The following COQ9 variants were observed in gnomAD, a reference collection of about 807,000 sequenced individuals.
COQ9 encodes ubiquinone biosynthesis protein COQ9, mitochondrial.
COQ9 carries 35 observed loss-of-function variants against 42.4 expected under a neutral mutation model. The observed-to-expected ratio is 0.83, with a 90% CI of 0.63 to 1.10. The LOEUF is 1.10. Ranked by LOEUF, COQ9 falls within the 50% of genes least tolerant of loss-of-function variation. The pLI is 0.00. For missense variants in COQ9, 406 were observed against 414.6 expected (o/e 0.98, Z 0.18); for synonymous variants, 155 against 155.1 (o/e 1.00, Z 0.00).
At chr16:57,457,049 A>G (rs187132189) in intron 5 of COQ9, 34 bp downstream of exon 5, 7 of 1,453,272 alleles carry the variant, frequency 4.8e-6, no homozygotes, top group East Asian at 2.3e-5. Flanking sequence ...CAGAGCAACA[A>G]TAATCCTAAT....
intron 3 of COQ9, 136 bp downstream of exon 3, chr16:57,453,072 T>C (rs2030325729): frequency 1.7e-6 from 2 of 1,158,376 alleles, no homozygotes; most frequent in African/African-American, 1.5e-5. Flanking sequence ...CTGGTTTTTT[T>C]CCCCCAATAG....
At chr16:57,456,841 G>A in intron 4 of COQ9, 90 bp from the exon 5 acceptor site, 1 of 1,347,576 alleles carries the variant, frequency 7.4e-7, no homozygotes, top group Non-Finnish European at 1.1e-6. Context: ...GGAGCTGGTG[G>A]GACCCTCCTC....
In COQ9 at chr16:57,452,884, A is replaced by G. The variant is rs768381116; in HGVS notation, c.326A>G (p.Glu109Gly). 1.9e-6 allele frequency: 3 copies of G among 1,613,664 alleles called. No individual in the cohort carries two copies. The highest frequency in any genetic ancestry group is 2.5e-6 in the Non-Finnish European group (3 of 1,179,994). ...CACCGCATCCTGACGGCAGCCCTTGAGTTTGTGCCCGCCCACGGGTGGACA... is the reference window on the plus strand; with the variant it reads ...CACCGCATCCTGACGGCAGCCCTTGGGTTTGTGCCCGCCCACGGGTGGACA... ...LQHRILTAAL[E>G]FVPAHGWTAE... is the part of the protein sequence containing the mutation. Residue 109 changes from glutamate (E) to glycine (G), a missense_variant, in exon 3 of 9, where the codon GAG becomes GGG. Coordinates refer to ENST00000262507, the MANE Select transcript of COQ9 (RefSeq NM_020312.4).
At chr16:57,457,681 G>A (rs528731268) in intron 5 of COQ9, among the ~76,000 whole-genome samples, 5 of 152,300 alleles carry the variant, frequency 3.3e-5, no homozygotes, top group Admixed American at 1.3e-4. Flanking sequence ...ACCCCAGGCC[G>A]AGTGTGACTC....
At chr16:57,458,396 T>A (rs1457997830) in intron 6 of COQ9, 46 bp downstream of exon 6, 1 of 1,365,068 alleles carries the variant, frequency 7.3e-7, no homozygotes, top group African/African-American at 1.4e-5. Flanking sequence ...AAGGCTTGTG[T>A]TAAGCATTTC....
chr16:57,460,455 G>C (rs1450578148), intron 8 of COQ9, 134 bp from the exon 9 acceptor site: 1 of 872,942 alleles, frequency 1.1e-6, no homozygotes, highest in Non-Finnish European at 1.8e-6. Context: ...GGACAGTCTG[G>C]CCAACATAGC....
rs1285968216 is a variant in COQ9 at position 57,460,683 on chromosome 16, T to C, written c.*59T>C. The stretch of plus-strand genomic sequence containing the variant: ...GAATGAGCGGACAGATTGAAAGAGC[T>C]TTGAAAAGTATAAGGTGCCATCCAC... On this transcript the variant is annotated 3_prime_UTR_variant, in exon 9 of 9. Transcript: ENST00000262507. 2 of 1,529,798 alleles carry C rather than the reference T, an allele frequency of 1.3e-6. No homozygotes were observed. The highest frequency in any genetic ancestry group is 1.8e-6 in the Non-Finnish European group (2 of 1,104,194). 94.8% of individuals were successfully genotyped at this position (1,529,798 alleles called of 1,614,324 possible). A position where few individuals can be genotyped will look rare whatever the true frequency, so the allele number is the denominator to read the frequency against.
rs771248273 is a variant in COQ9 at position 57,456,997 on chromosome 16, C to T, written c.588C>T (p.Tyr196=). 3.1e-6 allele frequency: 5 copies of T among 1,613,716 alleles called. No homozygotes were observed. In the East Asian group the frequency reaches 6.7e-5, roughly 22 times the overall value. Residue 196 remains tyrosine, a synonymous_variant, in exon 5 of 9, where the codon TAC becomes TAT. Transcript: ENST00000262507. ...CCAGACTGAGAATGCTGATCCCATA[C>T]ATTGAGCACTGGCCCCGGGTACCAA... ...VETRLRMLIP[Y]IEHWPRALSI...
At chr16:57,460,150 G>A (rs776492644) in intron 8 of COQ9, 46 bp downstream of exon 8, 155 of 1,587,790 alleles carry the variant, frequency 9.8e-5, no homozygotes, top group South Asian at 6.7e-5. Context: ...CTCCCATTCC[G>A]GCTCTGTGAT....
At chr16:57,448,296 T>C (rs2030184354) in intron 1 of COQ9, among the ~76,000 whole-genome samples, 1 of 152,192 alleles carries the variant, frequency 6.6e-6, no homozygotes, top group Non-Finnish European at 1.5e-5. Flanking sequence ...TCAGTACATG[T>C]ATTAAAATAT....
rs867166013 is a variant in COQ9 at position 57,459,744 on chromosome 16, G to A, written c.867+24G>A. 10 of 1,613,536 alleles carry A rather than the reference G, an allele frequency of 6.2e-6. No homozygotes were observed. The Middle Eastern group carries it at 1.2e-3, about 186-fold the overall frequency. ...AGGTAGGTGGGGACTAGCCATTGGG[G>A]AACCCTCTTTAGAAGGCATACCTAT... is the stretch of plus-strand genomic sequence containing the variant. On this transcript the variant is annotated intron_variant, in intron 7 of 8. Transcript: ENST00000262507.
In COQ9 at chr16:57,451,110, T is replaced by A. The variant is rs201716644; in HGVS notation, c.144T>A (p.Asp48Glu). 1.2e-6 allele frequency: 2 copies of A among 1,614,178 alleles called. No homozygotes were observed. The highest frequency in any genetic ancestry group is 8.5e-7 in the Non-Finnish European group (1 of 1,180,028). Reference sequence around the variant, plus strand: ...CAGCTGTGGGGCTAAGGTCTTCAGATGAGCAGAAGCAGCAGCCTCCCAACT... The same window carrying A: ...CAGCTGTGGGGCTAAGGTCTTCAGAAGAGCAGAAGCAGCAGCCTCCCAACT... ...HASAVGLRSS[D>E]EQKQQPPNSF... Residue 48 changes from aspartate (D) to glutamate (E), a missense_variant, in exon 2 of 9, where the codon GAT becomes GAA. Transcript: ENST00000262507.
intron 3 of COQ9, among the ~76,000 whole-genome samples, chr16:57,454,591 A>C (rs2030360257): frequency 6.6e-6 from 1 of 152,188 alleles, no homozygotes; most frequent in Non-Finnish European, 1.5e-5. Flanking sequence ...CTGGTAGGTC[A>C]AGGCTGCAGT....
chr16:57,456,816 G>A, intron 4 of COQ9, 115 bp from the exon 5 acceptor site: 1 of 1,293,644 alleles, frequency 7.7e-7, no homozygotes, highest in Non-Finnish European at 1.1e-6. Context: ...GACGGCTTTA[G>A]TCAGGCCAGC....
rs372673645 is a variant in COQ9, at chr16:57,460,552, G to T, written c.922-37G>T. On this transcript the variant is annotated intron_variant, in intron 8 of 8. Coordinates refer to ENST00000262507, the MANE Select transcript of COQ9 (RefSeq NM_020312.4). ...CTATTAGAGTCTAGAGGCAAGGTAA[G>T]CCCTCACTATTCTCTTTATTTCCAT... 3.1e-6 allele frequency: 5 copies of T among 1,607,896 alleles called. No individual in the cohort carries two copies. The African/African-American group carries it at 6.7e-5, about 21-fold the overall frequency.
intron 5 of COQ9, chr16:57,457,218 G>A (rs1302612938): frequency 3.0e-6 from 2 of 662,110 alleles, no homozygotes; most frequent in Non-Finnish European, 5.5e-6. Context: ...CTGTGTCTCA[G>A]TTCTTGGAAA....
Position 57,452,831 on chromosome 16 carries a change from G to C in COQ9, c.273G>C (p.Glu91Asp). The C allele has an allele frequency of 1.2e-6, 2 of 1,613,540 alleles. No individual in the cohort carries two copies. The highest frequency in any genetic ancestry group is 8.5e-7 in the Non-Finnish European group (1 of 1,180,008). The change falls in exon 3 of 9, where the codon GAG becomes GAC. Residue 91 changes from glutamate (E) to aspartate (D), a missense_variant. Transcript: ENST00000262507. ...CAGACCAGGGCGGCGAGGAGGAGGA[G>C]GACTATGAAAGTGAGGAGCAGTTGC... ...RYTDQGGEEE[E>D]DYESEEQLQH...
At chr16:57,455,688 G>T (rs1008778174) in intron 3 of COQ9, among the ~76,000 whole-genome samples, 1 of 151,970 alleles carries the variant, frequency 6.6e-6, no homozygotes, top group Non-Finnish European at 1.5e-5. Flanking sequence ...TAGAAGGCGA[G>T]GAAGTGGCGA....
intron 1 of COQ9, among the ~76,000 whole-genome samples, chr16:57,449,562 T>C (rs537310724): frequency 1.3e-5 from 2 of 152,230 alleles, no homozygotes; most frequent in African/African-American, 4.8e-5. Flanking sequence ...GTGGGAGGGT[T>C]GCTTGAGCCG....
Sources: allele counts gnomAD v4.1 joint callset (sites outside exome capture counted in the v4.1 genomes callset), GRCh38; gene constraint gnomAD v4.1.1; transcripts MANE v1.5; gene names NCBI Gene and HGNC (gene_info 2026-07-23, HGNC 2026-07-21).